The following CTNNA3 variants were observed in gnomAD, a reference collection of about 807,000 sequenced individuals.
CTNNA3 encodes catenin alpha 3.
A neutral mutation model predicts 95.7 loss-of-function variants in CTNNA3; 76 were observed. The observed-to-expected ratio is 0.79, with a 90% CI of 0.66 to 0.96. The LOEUF is 0.96. Ranked by LOEUF, CTNNA3 falls within the 40% of genes least tolerant of loss-of-function variation. CTNNA3 has a pLI of 0.00. For synonymous variants in CTNNA3, 431 were observed against 374.4 expected, an observed-to-expected ratio of 1.15 and a Z score of -1.74; for missense variants, 1,191 against 1,089.8, an observed-to-expected ratio of 1.09 and a Z score of -1.31.
chr10:66,747,644 A>C (rs187276537), intron 9 of CTNNA3, among the ~76,000 whole-genome samples: 1 of 152,268 alleles, frequency 6.6e-6, no homozygotes, highest in East Asian at 1.9e-4. Flanking sequence ...TCCAGAAATT[A>C]CATGTGGGTT....
chr10:67,353,219 A>G (rs80227898), intron 5 of CTNNA3, among the ~76,000 whole-genome samples: 1,674 of 152,034 alleles, frequency 0.011, 27 homozygotes, highest in African/African-American at 0.035. Context: ...GTGCCATACA[A>G]GACTGATTCT....
intron 7 of CTNNA3, among the ~76,000 whole-genome samples, chr10:66,941,500 C>T (rs1270688561): frequency 6.6e-6 from 1 of 152,120 alleles, no homozygotes; most frequent in Non-Finnish European, 1.5e-5. Context: ...GGAATCTTCA[C>T]CTCTTTCCTT....
At chr10:66,468,539 T>C (rs537116889) in intron 11 of CTNNA3, among the ~76,000 whole-genome samples, 24 of 152,008 alleles carry the variant, frequency 1.6e-4, no homozygotes, top group Middle Eastern at 6.8e-3. Context: ...GTTCTGGAGA[T>C]CTAATGTGCA....
At chr10:66,800,512 C>T (rs1048532678) in intron 7 of CTNNA3, among the ~76,000 whole-genome samples, 23 of 150,742 alleles carry the variant, frequency 1.5e-4, no homozygotes, top group Admixed American at 5.3e-4. Flanking sequence ...ATATTTGAGA[C>T]ACTTATCTAT....
At chr10:67,535,837 A>T (rs1372729820) in intron 4 of CTNNA3, among the ~76,000 whole-genome samples, 1 of 152,170 alleles carries the variant, frequency 6.6e-6, no homozygotes, top group Non-Finnish European at 1.5e-5. Flanking sequence ...TGATAAAATA[A>T]TTCATCTTAA....
At chr10:66,027,867 T>C (rs1385889702) in intron 15 of CTNNA3, among the ~76,000 whole-genome samples, 1 of 152,182 alleles carries the variant, frequency 6.6e-6, no homozygotes, top group Non-Finnish European at 1.5e-5. Context: ...AGAAATTTCT[T>C]CTTTGAAGAA....
intron 15 of CTNNA3, among the ~76,000 whole-genome samples, chr10:66,002,444 T>A: frequency 6.6e-6 from 1 of 152,182 alleles, no homozygotes; most frequent in East Asian, 1.9e-4. Flanking sequence ...AGAGGGAAAA[T>A]GTTTGTCTGG....
intron 12 of CTNNA3, among the ~76,000 whole-genome samples, chr10:66,280,824 A>G (rs997681027): frequency 5.0e-5 from 7 of 139,816 alleles, no homozygotes; most frequent in African/African-American, 2.1e-4. Context: ...AGACAATTAA[A>G]GGCATTTTTT....
intron 9 of CTNNA3, among the ~76,000 whole-genome samples, chr10:66,635,551 G>T (rs770450542): frequency 9.2e-5 from 14 of 152,108 alleles, no homozygotes; most frequent in Non-Finnish European, 2.1e-4. Flanking sequence ...AAAGTTTTCA[G>T]TGAGTCTATT....
intron 5 of CTNNA3, among the ~76,000 whole-genome samples, chr10:67,359,751 G>A (rs1589213170): frequency 6.6e-6 from 1 of 152,176 alleles, no homozygotes; most frequent in East Asian, 1.9e-4. Flanking sequence ...TCTTGAGAGA[G>A]GAGAGTAAGA....
At position 66,528,377 on chromosome 10, in the gene CTNNA3, T is replaced by C. The variant is rs16923207; in HGVS notation, c.1375-7604A>G. 1.1e-3 allele frequency among the ~76,000 whole-genome samples: 171 copies of C among 152,300 alleles called. 1 individual carries two copies. Among genetic ancestry groups the C allele is most frequent in the African/African-American group, 4.0e-3 (168 of 41,564 alleles). ...ACTTTTACTACATTCTAAACTCATT[T>C]ACCTTGGGAAACCCTTGAACATCTA... On this transcript the variant is annotated intron_variant, in intron 10 of 17. Coordinates refer to ENST00000433211, the MANE Select transcript of CTNNA3 (RefSeq NM_013266.4).
In CTNNA3 at chr10:67,365,175, T is replaced by C. The variant is rs9787649; in HGVS notation, c.580-145305A>G. On this transcript the variant is annotated intron_variant, in intron 5 of 17. Coordinates refer to ENST00000433211, the MANE Select transcript of CTNNA3 (RefSeq NM_013266.4). ...GCTGGGAAAACTGGCGAACCATATG[T>C]AGAAAGCTGAAACAGGATCCCTTCC... Among the ~76,000 whole-genome samples the C allele has an allele frequency of 0.018, 2,716 of 151,412 alleles. 208 individuals carry two copies. The East Asian group carries it at 0.24, about 13-fold the overall frequency.
At chr10:65,950,700 C>G (rs1319678224) in intron 17 of CTNNA3, among the ~76,000 whole-genome samples, 1 of 152,132 alleles carries the variant, frequency 6.6e-6, no homozygotes, top group Admixed American at 6.5e-5. Context: ...TACTCCAGAA[C>G]AGAAATAATT....
intron 5 of CTNNA3, among the ~76,000 whole-genome samples, chr10:67,265,569 A>T (rs1866789418): frequency 6.6e-6 from 1 of 152,142 alleles, no homozygotes; most frequent in African/African-American, 2.4e-5. Context: ...TATGGGGTAC[A>T]AAATGCCCAC....
At chr10:67,583,315 T>A (rs1032152836) in intron 3 of CTNNA3, among the ~76,000 whole-genome samples, 1 of 152,228 alleles carries the variant, frequency 6.6e-6, no homozygotes, top group African/African-American at 2.4e-5. Context: ...CCTTCACTTA[T>A]GAAGCTTAGT....
chr10:67,451,666 C>T (rs905722979), intron 5 of CTNNA3, among the ~76,000 whole-genome samples: 2 of 152,200 alleles, frequency 1.3e-5, no homozygotes, highest in Non-Finnish European at 2.9e-5. Context: ...TAATTAGCCT[C>T]CATTTTGCTC....
intron 9 of CTNNA3, among the ~76,000 whole-genome samples, chr10:66,701,440 G>T (rs777567559): frequency 3.3e-5 from 5 of 152,094 alleles, no homozygotes; most frequent in African/African-American, 4.8e-5. Flanking sequence ...GATCAATTGA[G>T]GAGAAGAGAA....
chr10:65,942,862 C>G (rs66561597), intron 17 of CTNNA3, among the ~76,000 whole-genome samples: 31,844 of 151,990 alleles, frequency 0.21, 4,009 homozygotes, highest in Middle Eastern at 0.33. Context: ...TAGTACCTCA[C>G]GGACCAGTTA....
At chr10:66,324,754 C>G in intron 12 of CTNNA3, among the ~76,000 whole-genome samples, 1 of 152,122 alleles carries the variant, frequency 6.6e-6, no homozygotes, top group Non-Finnish European at 1.5e-5. Context: ...TCATTTAACC[C>G]GATGCATGCC....
Sources: allele counts gnomAD v4.1 joint callset (sites outside exome capture counted in the v4.1 genomes callset), GRCh38; gene constraint gnomAD v4.1.1; transcripts MANE v1.5; gene names NCBI Gene and HGNC (gene_info 2026-07-23, HGNC 2026-07-21).